The following OSBPL3 variants were observed in gnomAD, a reference collection of about 807,000 sequenced individuals.
OSBPL3 encodes the protein oxysterol-binding protein-related protein 3.
Under a neutral mutation model 120.1 loss-of-function variants are expected in OSBPL3, and 65 were observed. That is an observed-to-expected ratio of 0.54 (90% confidence interval 0.44 to 0.67). The LOEUF is 0.67. OSBPL3 is among the 30% of genes least tolerant of loss of function. The pLI is 0.00. For synonymous variants in OSBPL3, 416 were observed against 402.6 expected (o/e 1.03, Z -0.40); for missense variants, 1,004 against 1,082.1 (o/e 0.93, Z 1.01).
rs74393957 is a variant in OSBPL3, at chr7:24,952,689, T to C, written c.-150+27197A>G. On this transcript the variant is annotated intron_variant, in intron 1 of 22. Transcript: ENST00000313367. This position sits in a 1 kb window ranked among gnomAD's most constrained non-coding sequence, Gnocchi z 4.4. ...TTAACTGTGCATTACATCAACTCTATAGAGATTATGGTAAGGTTATTTCCA... is the reference window on the plus strand; with the variant it reads ...TTAACTGTGCATTACATCAACTCTACAGAGATTATGGTAAGGTTATTTCCA... 1.4e-3 allele frequency among the ~76,000 whole-genome samples: 208 copies of C among 152,296 alleles called. No individual in the cohort carries two copies. The highest frequency in any genetic ancestry group is 3.8e-3 in the African/African-American group (160 of 41,564).
rs925099990 is a variant in OSBPL3, at chr7:24,838,411, G to A, written c.1495+2279C>T. Among the ~76,000 whole-genome samples the A allele has an allele frequency of 2.6e-5, 4 of 152,156 alleles. No individual in the cohort carries two copies. In the South Asian group the frequency reaches 8.3e-4, roughly 32 times the overall value. Reference sequence around the variant, plus strand: ...CTCGGGAGGCTGAGGCATGAGAATTGCTTGAACCCAGGAGACAGAGGTTGC... The same window carrying A: ...CTCGGGAGGCTGAGGCATGAGAATTACTTGAACCCAGGAGACAGAGGTTGC... On this transcript the variant is annotated intron_variant, in intron 14 of 22. Coordinates refer to ENST00000313367, the MANE Select transcript of OSBPL3 (RefSeq NM_015550.4).
rs9691526 is a variant in OSBPL3, at chr7:24,937,307, C to A, written c.-150+42579G>T. The stretch of plus-strand genomic sequence containing the variant: ...CAACACGTGGGGATTATGGGAACTA[C>A]AATTCAAGTTTTGTAGCAGCTTTGG... On this transcript the variant is annotated intron_variant, in intron 1 of 22. Coordinates refer to ENST00000313367, the MANE Select transcript of OSBPL3 (RefSeq NM_015550.4). The surrounding 1 kb of genome is among the most constrained non-coding windows in gnomAD (Gnocchi z 4.0). Among the ~76,000 whole-genome samples the A allele has an allele frequency of 0.012, 1,788 of 152,278 alleles. 31 individuals carry two copies. Among genetic ancestry groups the A allele is most frequent in the African/African-American group, 0.04 (1,649 of 41,546 alleles).
rs2128179398 is a variant in OSBPL3, at chr7:24,834,128, C to T, written c.1746+358G>A. 1 of 1,010,674 alleles carries T rather than the reference C, an allele frequency of 9.9e-7. No individual in the cohort carries two copies. The highest frequency in any genetic ancestry group is 4.6e-5 in the South Asian group (1 of 21,548). The allele number at this position is 1,010,674 out of a possible 1,614,324, so 62.6% of individuals were successfully genotyped here. On this transcript the variant is annotated intron_variant, in intron 15 of 22. Coordinates refer to ENST00000313367, the MANE Select transcript of OSBPL3 (RefSeq NM_015550.4). This position sits in a 1 kb window ranked among gnomAD's most constrained non-coding sequence, Gnocchi z 5.2. ...AGCTCGAGAAATTAAATTCTGTCCA[C>T]CCAGGGAAGTAAAAATAAACATGCA...
chr7:24,891,218 T>A lies in OSBPL3; in HGVS notation c.96+1159A>T, dbSNP rs1016948156. Among the ~76,000 whole-genome samples the A allele has an allele frequency of 1.3e-5, 2 of 152,084 alleles. No individual in the cohort carries two copies. Among genetic ancestry groups the A allele is most frequent in the Non-Finnish European group, 2.9e-5 (2 of 68,016 alleles). On this transcript the variant is annotated intron_variant, in intron 2 of 22. Coordinates refer to ENST00000313367, the MANE Select transcript of OSBPL3 (RefSeq NM_015550.4). The surrounding 1 kb of genome is among the most constrained non-coding windows in gnomAD (Gnocchi z 4.1). The stretch of plus-strand genomic sequence containing the variant: ...CTAATTTTAGTCTTTTCTTATTTTT[T>A]TTTTTTTTAATTCCAGAAGGAACCG...
At chr7:24,907,329 G>T (rs752996164) in intron 1 of OSBPL3, among the ~76,000 whole-genome samples, 1 of 152,182 alleles carries the variant, frequency 6.6e-6, no homozygotes, top group African/African-American at 2.4e-5. Flanking sequence ...CTACATAGTT[G>T]CATTTCACTG....
chr7:24,915,182 T>C (rs1462346663), intron 1 of OSBPL3, among the ~76,000 whole-genome samples: 1 of 152,172 alleles, frequency 6.6e-6, no homozygotes, highest in Non-Finnish European at 1.5e-5. Flanking sequence ...ATAATTCTCA[T>C]TTGGCCTGCT....
rs10235913 is a variant in OSBPL3 at position 24,916,863 on chromosome 7, T to C, written c.-149-24242A>G. On this transcript the variant is annotated intron_variant, in intron 1 of 22. Transcript: ENST00000313367. The surrounding 1 kb of genome is among the most constrained non-coding windows in gnomAD (Gnocchi z 4.9). The stretch of plus-strand genomic sequence containing the variant: ...GCTGTTACACCACAATGGTGACATA[T>C]ACCAACACACACAAACCAGGTTTAC... Among the ~76,000 whole-genome samples, 88,501 of 151,416 alleles carry C rather than the reference T, an allele frequency of 0.58. 26,201 individuals are homozygous for C. Among genetic ancestry groups the C allele is most frequent in the East Asian group, 0.76 (3,901 of 5,138 alleles).
intron 1 of OSBPL3, among the ~76,000 whole-genome samples, chr7:24,903,338 T>C (rs1807348000): frequency 6.6e-6 from 1 of 152,178 alleles, no homozygotes; most frequent in Non-Finnish European, 1.5e-5. Flanking sequence ...CAAAGATACT[T>C]GCCAGTGAAG....
intron 13 of OSBPL3, among the ~76,000 whole-genome samples, chr7:24,841,184 G>A (rs1797692435): frequency 6.6e-6 from 1 of 152,078 alleles, no homozygotes; most frequent in Non-Finnish European, 1.5e-5. Context: ...TATTTAAGGG[G>A]TAACATTATT....
intron 11 of OSBPL3, among the ~76,000 whole-genome samples, chr7:24,850,812 C>A (rs1456588572): frequency 6.6e-6 from 1 of 152,226 alleles, no homozygotes; most frequent in Non-Finnish European, 1.5e-5. Context: ...ACTGTGCATA[C>A]AGCACCGACA....
rs887360761 is a variant in OSBPL3 at position 24,899,564 on chromosome 7, CTTT to C, written c.-149-6946_-149-6944del. ...GAGACCAATGGTCACTGGCTGACTT[CTTT>C]GTTACGGCATACATAGATTGCACAG... On this transcript the variant is annotated intron_variant, in intron 1 of 22. Transcript: ENST00000313367. The surrounding 1 kb of genome is among the most constrained non-coding windows in gnomAD (Gnocchi z 4.0). 6.6e-6 allele frequency among the ~76,000 whole-genome samples: 1 copy of C among 152,110 alleles called. No homozygotes were observed. The highest frequency in any genetic ancestry group is 1.5e-5 in the Non-Finnish European group (1 of 68,030).
At chr7:24,897,106 C>A (rs560923688) in intron 1 of OSBPL3, among the ~76,000 whole-genome samples, 22 of 149,228 alleles carry the variant, frequency 1.5e-4, no homozygotes, top group Non-Finnish European at 3.0e-4. Flanking sequence ...GGAAGGAAGG[C>A]AGGCAGGCAG....
At chr7:24,958,062 T>C (rs1205077991) in intron 1 of OSBPL3, among the ~76,000 whole-genome samples, 2 of 152,170 alleles carry the variant, frequency 1.3e-5, no homozygotes, top group Non-Finnish European at 2.9e-5. Flanking sequence ...TGCTCACATA[T>C]AAGCATTTTT....
chr7:24,833,877 G>A lies in OSBPL3; in HGVS notation c.1746+609C>T, dbSNP rs1178655890. On this transcript the variant is annotated intron_variant, in intron 15 of 22. Coordinates refer to ENST00000313367, the MANE Select transcript of OSBPL3 (RefSeq NM_015550.4). This position sits in a 1 kb window ranked among gnomAD's most constrained non-coding sequence, Gnocchi z 4.4. ...GAAATACTTGGAAGCCCTTTTAAAA[G>A]CCAGCATGCTGTGACTGGAGCTGAT... 6.6e-6 allele frequency among the ~76,000 whole-genome samples: 1 copy of A among 152,188 alleles called. No individual in the cohort carries two copies. The highest frequency in any genetic ancestry group is 2.4e-5 in the African/African-American group (1 of 41,440).
At chr7:24,903,964 C>T (rs1330900101) in intron 1 of OSBPL3, among the ~76,000 whole-genome samples, 2 of 149,634 alleles carry the variant, frequency 1.3e-5, no homozygotes, top group Non-Finnish European at 3.0e-5. Context: ...CTCACTGCAA[C>T]CTCTGCCTCC....
chr7:24,883,436 T>G lies in OSBPL3; in HGVS notation c.96+8941A>C, dbSNP rs779126896. Among the ~76,000 whole-genome samples, 3 of 152,228 alleles carry G rather than the reference T, an allele frequency of 2.0e-5. No individual in the cohort carries two copies. Among genetic ancestry groups the G allele is most frequent in the Non-Finnish European group, 4.4e-5 (3 of 68,038 alleles). On this transcript the variant is annotated intron_variant, in intron 2 of 22. Coordinates refer to ENST00000313367, the MANE Select transcript of OSBPL3 (RefSeq NM_015550.4). This position sits in a 1 kb window ranked among gnomAD's most constrained non-coding sequence, Gnocchi z 5.4. ...TGAATCGGTCAGCTCAGTTCACATTTGCATCAATAGCTTCTTGAGAACATT... is the reference window on the plus strand; with the variant it reads ...TGAATCGGTCAGCTCAGTTCACATTGGCATCAATAGCTTCTTGAGAACATT...
intron 14 of OSBPL3, among the ~76,000 whole-genome samples, chr7:24,839,934 T>C (rs1797493047): frequency 8.0e-6 from 1 of 124,224 alleles, no homozygotes; most frequent in Non-Finnish European, 1.6e-5. Flanking sequence ...GAGGCTGCAG[T>C]GAGCTAAGAC....
rs550491918 is a variant in OSBPL3, at chr7:24,912,736, C to T, written c.-149-20115G>A. On this transcript the variant is annotated intron_variant, in intron 1 of 22. Coordinates refer to ENST00000313367, the MANE Select transcript of OSBPL3 (RefSeq NM_015550.4). This position sits in a 1 kb window ranked among gnomAD's most constrained non-coding sequence, Gnocchi z 4.5. ...GATGTATTTTTCAAAGACGACCATA[C>T]CAATGTACATCCCATCCCACATGCT... Among the ~76,000 whole-genome samples the T allele has an allele frequency of 6.6e-6, 1 of 152,328 alleles. No individual in the cohort carries two copies. Among genetic ancestry groups the T allele is most frequent in the Non-Finnish European group, 1.5e-5 (1 of 68,030 alleles).
chr7:24,805,183 C>A lies in OSBPL3; in HGVS notation c.2445-746G>T, dbSNP rs1029660822. On this transcript the variant is annotated intron_variant, in intron 21 of 22. Coordinates refer to ENST00000313367, the MANE Select transcript of OSBPL3 (RefSeq NM_015550.4). The surrounding 1 kb of genome is among the most constrained non-coding windows in gnomAD (Gnocchi z 4.0). ...AACTGCCCTTTATGGGGATCATACC[C>A]AATTTATATTCCCATCAGCAATGCT... 5.3e-5 allele frequency among the ~76,000 whole-genome samples: 8 copies of A among 152,192 alleles called. No individual in the cohort carries two copies. The highest frequency in any genetic ancestry group is 4.6e-4 in the Admixed American group (7 of 15,276).
Sources: allele counts gnomAD v4.1 joint callset (sites outside exome capture counted in the v4.1 genomes callset), GRCh38; gene constraint gnomAD v4.1.1; non-coding constraint Gnocchi (gnomAD v3.1); transcripts MANE v1.5; gene names NCBI Gene and HGNC (gene_info 2026-07-23, HGNC 2026-07-21).